DLGAP1: variants seen among roughly 807,000 people sequenced by gnomAD.
DLGAP1 encodes the protein disks large-associated protein 1.
A neutral mutation model predicts 90.8 loss-of-function variants in DLGAP1; 11 were observed. The observed-to-expected ratio is 0.12, with a 90% confidence interval of 0.08 to 0.20. DLGAP1 has a LOEUF of 0.20. Among genes scored for constraint, DLGAP1 ranks in the 10% least tolerant of loss-of-function variants. DLGAP1 has a pLI of 1.00. For missense variants in DLGAP1, 1,050 were observed against 1,333.8 expected, an observed-to-expected ratio of 0.79 and a Z score of 3.31; for synonymous variants, 558 against 540.7, an observed-to-expected ratio of 1.03 and a Z score of -0.44.
rs528676470 is a variant in DLGAP1 at position 4,428,045 on chromosome 18, T to C, written c.-267+26961A>G. Among the ~76,000 whole-genome samples the C allele has an allele frequency of 4.4e-4, 67 of 152,230 alleles. 1 individual carries two copies. Among genetic ancestry groups the C allele is most frequent in the Non-Finnish European group, 4.1e-4 (28 of 68,032 alleles). ...TCACTGGATCTTTACCAAAAGATGT[T>C]CCACTTCTCTGAGTTTATTCATCTA... On this transcript the variant is annotated intron_variant, in intron 1 of 12. Transcript: ENST00000315677.
At chr18:4,184,380 T>C (rs2077257124) in intron 1 of DLGAP1, among the ~76,000 whole-genome samples, 2 of 152,154 alleles carry the variant, frequency 1.3e-5, no homozygotes, top group Admixed American at 6.6e-5. Flanking sequence ...TAACTAGGTC[T>C]TTCCTGGCTA....
At chr18:4,127,962 A>T (rs2076255275) in intron 2 of DLGAP1, among the ~76,000 whole-genome samples, 1 of 152,174 alleles carries the variant, frequency 6.6e-6, no homozygotes, top group African/African-American at 2.4e-5. Context: ...CCACAGTAAG[A>T]CTGAGCTTTT....
rs928430788 is a variant in DLGAP1, at chr18:4,378,887, T to A, written c.-267+76119A>T. Among the ~76,000 whole-genome samples the A allele has an allele frequency of 5.9e-5, 9 of 152,130 alleles. 1 individual carries two copies. Among genetic ancestry groups the A allele is most frequent in the East Asian group, 3.9e-4 (2 of 5,166 alleles). ...ACTTGGGGTTCCTCCTCAGCTAACA[T>A]CCTCTCTCCTGGGAGCTCTTTGACA... On this transcript the variant is annotated intron_variant, in intron 1 of 12. Transcript: ENST00000315677. The surrounding 1 kb of genome is among the most constrained non-coding windows in gnomAD (Gnocchi z 4.5).
chr18:3,836,762 G>T (rs1251268836), intron 4 of DLGAP1, among the ~76,000 whole-genome samples: 4 of 152,292 alleles, frequency 2.6e-5, no homozygotes. Context: ...AGCCTAAGTG[G>T]CCCTCCTACC....
At chr18:4,450,679 TTGTGGTTTG>T (rs1462840330) in intron 1 of DLGAP1, among the ~76,000 whole-genome samples, 1 of 152,182 alleles carries the variant, frequency 6.6e-6, no homozygotes, top group African/African-American at 2.4e-5. Flanking sequence ...ATCACACACT[TTGTGGTTTG>T]CTGTTGTGCT....
rs199566544 is a variant in DLGAP1 at position 4,292,769 on chromosome 18, G to T, written c.-266-141482C>A. ...AGTCTTTTCTCTCCCCTGGGAAATA[G>T]AAATCAGACAGGAGAAACAAGTTAG... On this transcript the variant is annotated intron_variant, in intron 1 of 12. Transcript: ENST00000315677. Among the ~76,000 whole-genome samples, 14 of 152,232 alleles carry T rather than the reference G, an allele frequency of 9.2e-5. No homozygotes were observed. In the East Asian group the frequency reaches 2.7e-3, roughly 29 times the overall value.
chr18:3,670,349 G>C (rs543381435), intron 7 of DLGAP1, among the ~76,000 whole-genome samples: 2 of 152,280 alleles, frequency 1.3e-5, no homozygotes, highest in East Asian at 3.9e-4. Flanking sequence ...AGAAAATGGA[G>C]ACCTCTGATG....
chr18:4,035,258 G>T (rs774150363), intron 2 of DLGAP1, among the ~76,000 whole-genome samples: 2 of 152,134 alleles, frequency 1.3e-5, no homozygotes, highest in Non-Finnish European at 2.9e-5. Flanking sequence ...CACAAGGGGG[G>T]ACTGCTTGAG....
chr18:4,096,967 G>A (rs1424060467), intron 2 of DLGAP1, among the ~76,000 whole-genome samples: 8 of 152,198 alleles, frequency 5.3e-5, no homozygotes. Flanking sequence ...AGTAAACATT[G>A]TGTAAGTGTT....
At chr18:3,992,186 T>C (rs972645621) in intron 3 of DLGAP1, among the ~76,000 whole-genome samples, 1 of 152,226 alleles carries the variant, frequency 6.6e-6, no homozygotes, top group African/African-American at 2.4e-5. Flanking sequence ...GTCCCCTATT[T>C]TAATGATTTA....
At chr18:3,996,481 A>G (rs1406016639) in intron 3 of DLGAP1, among the ~76,000 whole-genome samples, 3 of 152,072 alleles carry the variant, frequency 2.0e-5, no homozygotes, top group Non-Finnish European at 2.9e-5. Context: ...TTTAGATTAA[A>G]TATTCCTAAT....
chr18:4,108,778 T>C (rs1390812281), intron 2 of DLGAP1, among the ~76,000 whole-genome samples: 1 of 152,126 alleles, frequency 6.6e-6, no homozygotes, highest in Non-Finnish European at 1.5e-5. Flanking sequence ...GTCAGACACA[T>C]CTGGGGTTTG....
intron 11 of DLGAP1, among the ~76,000 whole-genome samples, chr18:3,503,569 G>T (rs921005945): frequency 6.6e-6 from 1 of 152,212 alleles, no homozygotes; most frequent in African/African-American, 2.4e-5. Context: ...TATGTCAAGA[G>T]ATCCTAGCTG....
At chr18:3,790,669 A>C (rs781744646) in intron 5 of DLGAP1, among the ~76,000 whole-genome samples, 2 of 152,192 alleles carry the variant, frequency 1.3e-5, no homozygotes, top group Non-Finnish European at 2.9e-5. Flanking sequence ...ATCAGATTTA[A>C]CTCAAGGAAG....
intron 5 of DLGAP1, among the ~76,000 whole-genome samples, chr18:3,791,055 C>A (rs1229316168): frequency 6.6e-6 from 1 of 152,168 alleles, no homozygotes; most frequent in Admixed American, 6.5e-5. Flanking sequence ...AGTGCAGGTT[C>A]ACCTAGATGG....
At chr18:3,760,377 C>G (rs2063911357) in intron 5 of DLGAP1, among the ~76,000 whole-genome samples, 2 of 152,254 alleles carry the variant, frequency 1.3e-5, no homozygotes, top group South Asian at 4.1e-4. Context: ...AGTGGCGACA[C>G]CTTTTACCTG....
intron 2 of DLGAP1, among the ~76,000 whole-genome samples, chr18:4,098,759 G>A (rs1016483342): frequency 1.3e-5 from 2 of 152,142 alleles, no homozygotes; most frequent in African/African-American, 4.8e-5. Context: ...AAATGTTCAG[G>A]TATAAATATC....
intron 1 of DLGAP1, among the ~76,000 whole-genome samples, chr18:4,255,646 T>C (rs2078873989): frequency 6.6e-6 from 1 of 152,022 alleles, no homozygotes; most frequent in African/African-American, 2.4e-5. Flanking sequence ...CACAGTTCCA[T>C]CTATCCTGAA....
intron 1 of DLGAP1, among the ~76,000 whole-genome samples, chr18:4,373,482 A>C (rs987359542): frequency 1.3e-5 from 2 of 152,184 alleles, no homozygotes; most frequent in African/African-American, 2.4e-5. Context: ...TAACTCGGCC[A>C]TCTCAGGCCA....
Sources: allele counts gnomAD v4.1 joint callset (sites outside exome capture counted in the v4.1 genomes callset), GRCh38; gene constraint gnomAD v4.1.1; non-coding constraint Gnocchi (gnomAD v3.1); transcripts MANE v1.5; gene names NCBI Gene and HGNC (gene_info 2026-07-23, HGNC 2026-07-21).